Variants in DSCAM observed in about 807,000 individuals in gnomAD.
DSCAM encodes the protein DS cell adhesion molecule, also known as cell adhesion molecule DSCAM.
DSCAM carries 47 observed loss-of-function variants against 217.7 expected under a neutral mutation model. The ratio of observed to expected loss-of-function variants is 0.22; its 90% CI spans 0.17 to 0.28. The LOEUF (loss-of-function observed/expected upper bound fraction) is 0.28, where lower values mean the gene tolerates loss of function less well. Ranked by LOEUF, DSCAM falls within the 10% of genes least tolerant of loss-of-function variation. The pLI is 1.00. For synonymous variants in DSCAM, 1,056 were observed against 1,015.3 expected (o/e 1.04, Z -0.76); for missense variants, 2,080 against 2,618.3 (o/e 0.79, Z 4.49).
chr21:40,376,338 T>C (rs1288556259), intron 3 of DSCAM, among the ~76,000 whole-genome samples: 3 of 151,142 alleles, frequency 2.0e-5, no homozygotes. Flanking sequence ...GTATATAGCA[T>C]TAGAAACCAC....
intron 3 of DSCAM, among the ~76,000 whole-genome samples, chr21:40,537,296 GAGAC>G (rs769359862): frequency 3.3e-5 from 5 of 152,190 alleles, no homozygotes; most frequent in South Asian, 2.1e-4. Flanking sequence ...GGTCGAGAGA[GAGAC>G]AGACAGACAG....
In DSCAM at chr21:40,031,910, G is replaced by A. The variant is rs138589658; in HGVS notation, c.5686+10461C>T. ...GCTCTCACAGTAGAGACTTACTAGCGTCTGAGGGGTCAGCCTTGTCTTCCT... is the reference window on the plus strand; with the variant it reads ...GCTCTCACAGTAGAGACTTACTAGCATCTGAGGGGTCAGCCTTGTCTTCCT... On this transcript the variant is annotated intron_variant, in intron 32 of 32. Coordinates refer to ENST00000400454, the MANE Select transcript of DSCAM (RefSeq NM_001389.5). Among the ~76,000 whole-genome samples the A allele has an allele frequency of 2.5e-3, 377 of 152,216 alleles. 2 individuals are homozygous for A. The highest frequency in any genetic ancestry group is 0.017 in the Middle Eastern group (5 of 294).
chr21:40,203,785 T>A (rs927928536), intron 11 of DSCAM, among the ~76,000 whole-genome samples: 17 of 152,234 alleles, frequency 1.1e-4, no homozygotes, highest in African/African-American at 4.1e-4. Context: ...TGTACATTCC[T>A]GTACGGCTAA....
intron 1 of DSCAM, among the ~76,000 whole-genome samples, chr21:40,759,677 G>A (rs2091311404): frequency 6.6e-6 from 1 of 152,136 alleles, no homozygotes. Flanking sequence ...TGCTACGGGA[G>A]CATGAGAACC....
At chr21:40,758,513 T>C (rs2091298103) in intron 1 of DSCAM, among the ~76,000 whole-genome samples, 1 of 51,672 alleles carries the variant, frequency 1.9e-5, no homozygotes, top group African/African-American at 6.2e-5. Flanking sequence ...CAAGACTCTG[T>C]CTCAAAAAAA....
chr21:40,115,633 T>C (rs2089961057), intron 20 of DSCAM, among the ~76,000 whole-genome samples: 5 of 152,124 alleles, frequency 3.3e-5, no homozygotes, highest in African/African-American at 1.2e-4. Flanking sequence ...GAATGACTAT[T>C]ATTAGAAAGC....
chr21:40,262,229 G>T (rs1039536788), intron 11 of DSCAM, among the ~76,000 whole-genome samples: 1 of 152,102 alleles, frequency 6.6e-6, no homozygotes, highest in Non-Finnish European at 1.5e-5. Context: ...TGTTGTTTAA[G>T]CCCACCTCCC....
chr21:40,354,848 C>CAA (rs11314417), intron 4 of DSCAM, among the ~76,000 whole-genome samples: 4,139 of 110,520 alleles, frequency 0.037, 229 homozygotes, highest in African/African-American at 0.11. Context: ...AACTCTGTCT[C>CAA]AAAAAAAAAA....
chr21:40,532,908 GTGCA>G lies in DSCAM; in HGVS notation c.508+159898_508+159901del, dbSNP rs879430458. ...TGTGTGTGTGTGTGTGTGTGTGTGT[GTGCA>G]CACGCACGCGCATGTGCGCATATGT... On this transcript the variant is annotated intron_variant, in intron 3 of 32. Coordinates refer to ENST00000400454, the MANE Select transcript of DSCAM (RefSeq NM_001389.5). 1.4e-3 allele frequency among the ~76,000 whole-genome samples: 187 copies of G among 132,184 alleles called. 1 individual carries two copies. Among genetic ancestry groups the G allele is most frequent in the Admixed American group, 2.7e-3 (34 of 12,736 alleles). The allele number at this position is 132,184 out of a possible 152,430, so 86.7% of individuals were successfully genotyped here.
At chr21:40,787,271 C>T (rs988360160) in intron 1 of DSCAM, among the ~76,000 whole-genome samples, 10 of 152,152 alleles carry the variant, frequency 6.6e-5, no homozygotes, top group African/African-American at 2.4e-4. Flanking sequence ...TTTTCCCAGA[C>T]CTGAGATATC....
chr21:40,449,198 AATAGAGG>A (rs1367527399), intron 3 of DSCAM, among the ~76,000 whole-genome samples: 1 of 152,138 alleles, frequency 6.6e-6, no homozygotes, highest in Non-Finnish European at 1.5e-5. Context: ...CCACCTGGAT[AATAGAGG>A]ATAAACTCTC....
At chr21:40,544,883 T>C (rs927548960) in intron 3 of DSCAM, among the ~76,000 whole-genome samples, 34 of 151,342 alleles carry the variant, frequency 2.2e-4, no homozygotes, top group African/African-American at 7.5e-4. Context: ...GAAAACTGGG[T>C]CATGTATTCA....
At chr21:40,719,931 TAA>T (rs1211718060) in intron 1 of DSCAM, among the ~76,000 whole-genome samples, 3 of 152,054 alleles carry the variant, frequency 2.0e-5, no homozygotes, top group Non-Finnish European at 4.4e-5. Context: ...ATTAAAAAAT[TAA>T]AAGAGTTTAA....
chr21:40,062,792 A>G, intron 28 of DSCAM, 77 bp downstream of exon 28: 1 of 1,396,540 alleles, frequency 7.2e-7, no homozygotes, highest in Non-Finnish European at 9.7e-7. Flanking sequence ...CCATTATTAA[A>G]AAAATAGAAA....
intron 1 of DSCAM, among the ~76,000 whole-genome samples, chr21:40,770,534 A>C (rs1185211506): frequency 6.6e-6 from 1 of 152,234 alleles, no homozygotes; most frequent in Non-Finnish European, 1.5e-5. Flanking sequence ...ATATTGTCAA[A>C]ATTGCTGATA....
At chr21:40,564,521 T>C (rs1350959842) in intron 3 of DSCAM, among the ~76,000 whole-genome samples, 2 of 152,156 alleles carry the variant, frequency 1.3e-5, no homozygotes, top group Non-Finnish European at 2.9e-5. Context: ...TGGCCTTCCT[T>C]TGACCTGTTT....
intron 15 of DSCAM, 95 bp from the exon 16 acceptor site, chr21:40,167,383 C>A: frequency 9.3e-7 from 1 of 1,070,526 alleles, no homozygotes; most frequent in East Asian, 2.4e-5. Context: ...GACAACCCAT[C>A]CCTATGTTTG....
chr21:40,425,417 C>T (rs563821608), intron 3 of DSCAM, among the ~76,000 whole-genome samples: 3 of 152,054 alleles, frequency 2.0e-5, no homozygotes, highest in African/African-American at 7.2e-5. Context: ...GACGAGTTAA[C>T]GGGTGCAGCA....
intron 1 of DSCAM, among the ~76,000 whole-genome samples, chr21:40,734,916 G>A (rs1382075075): frequency 6.6e-6 from 1 of 152,176 alleles, no homozygotes; most frequent in African/African-American, 2.4e-5. Flanking sequence ...TGTGCTTTTG[G>A]AAGAGAAGAG....
Sources: gnomAD v4.1 joint callset for allele counts (sites outside exome capture counted in the v4.1 genomes callset) on GRCh38, gnomAD v4.1.1 for gene constraint, MANE v1.5 for transcripts, NCBI Gene and HGNC (gene_info 2026-07-23, HGNC 2026-07-21) for gene names.